ST6GALNAC3: variants seen among roughly 807,000 people sequenced by gnomAD.
ST6GALNAC3 encodes the protein ST6 N-acetylgalactosaminide alpha-2,6-sialyltransferase 3.
Under a neutral mutation model 32.7 loss-of-function variants are expected in ST6GALNAC3, and 25 were observed. The ratio of observed to expected loss-of-function variants is 0.76; its 90% CI spans 0.56 to 1.07. The LOEUF is 1.07. ST6GALNAC3 is among the 50% of genes least tolerant of loss of function. The pLI is 0.00. For synonymous variants in ST6GALNAC3, 129 were observed against 133.1 expected (o/e 0.97, Z 0.21); for missense variants, 355 against 382.4 (o/e 0.93, Z 0.60).
At chr1:76,329,881 T>G (rs1471173590) in intron 2 of ST6GALNAC3, among the ~76,000 whole-genome samples, 1 of 152,176 alleles carries the variant, frequency 6.6e-6, no homozygotes, top group Non-Finnish European at 1.5e-5. Flanking sequence ...CAATCTCTGC[T>G]CACTGCAACC....
At chr1:76,471,823 A>T (rs980358294) in intron 3 of ST6GALNAC3, among the ~76,000 whole-genome samples, 7 of 150,964 alleles carry the variant, frequency 4.6e-5, no homozygotes, top group Non-Finnish European at 1.0e-4. Context: ...TTTTTACAAG[A>T]ATGTCTAAGT....
At chr1:76,274,389 C>T (rs72675958) in intron 1 of ST6GALNAC3, among the ~76,000 whole-genome samples, 42,791 of 152,048 alleles carry the variant, frequency 0.28, 7,655 homozygotes, top group Non-Finnish European at 0.39. Flanking sequence ...TGGCTTATAG[C>T]AAGCATGGGC....
chr1:76,481,378 A>ACTCTAAACC (rs1006110977), intron 3 of ST6GALNAC3, among the ~76,000 whole-genome samples: 4 of 152,206 alleles, frequency 2.6e-5, no homozygotes, highest in African/African-American at 9.6e-5. Flanking sequence ...GATTTGCTAA[A>ACTCTAAACC]TGAATGGTTT....
intron 1 of ST6GALNAC3, among the ~76,000 whole-genome samples, chr1:76,249,491 A>T (rs1004920431): frequency 3.3e-5 from 5 of 152,138 alleles, no homozygotes; most frequent in Admixed American, 6.5e-5. Flanking sequence ...TGCCACATAT[A>T]TTCCATTCTA....
At chr1:76,097,606 A>G (rs1355863923) in intron 1 of ST6GALNAC3, among the ~76,000 whole-genome samples, 1 of 152,206 alleles carries the variant, frequency 6.6e-6, no homozygotes, top group Non-Finnish European at 1.5e-5. Flanking sequence ...AGTGCATGAG[A>G]ACAGACTAAT....
chr1:76,551,482 TC>T (rs1414098570), intron 3 of ST6GALNAC3, among the ~76,000 whole-genome samples: 1 of 152,364 alleles, frequency 6.6e-6, no homozygotes, highest in South Asian at 2.1e-4. Flanking sequence ...AAGATTTTTT[TC>T]ATCTTATTAA....
intron 1 of ST6GALNAC3, among the ~76,000 whole-genome samples, chr1:76,186,929 A>G (rs1653592015): frequency 1.3e-5 from 2 of 152,176 alleles, no homozygotes; most frequent in South Asian, 4.1e-4. Context: ...CTAAACAATG[A>G]TTCCTGAGGC....
chr1:76,415,353 A>G (rs576280881), intron 3 of ST6GALNAC3, among the ~76,000 whole-genome samples: 7 of 151,840 alleles, frequency 4.6e-5, no homozygotes, highest in African/African-American at 1.7e-4. Flanking sequence ...ATTAGCTGAT[A>G]TATTTTATTA....
intron 1 of ST6GALNAC3, among the ~76,000 whole-genome samples, chr1:76,255,116 G>T (rs1181244239): frequency 6.6e-6 from 1 of 150,996 alleles, no homozygotes; most frequent in Admixed American, 6.6e-5. Context: ...GGTTTGGTCT[G>T]GTCTGTTAGA....
intron 1 of ST6GALNAC3, among the ~76,000 whole-genome samples, chr1:76,311,887 A>G (rs533460361): frequency 6.6e-6 from 1 of 151,798 alleles, no homozygotes; most frequent in African/African-American, 2.4e-5. Context: ...ACTAATTTAC[A>G]CTCCCACCAA....
intron 1 of ST6GALNAC3, among the ~76,000 whole-genome samples, chr1:76,295,171 G>A (rs1010125983): frequency 1.3e-5 from 2 of 151,766 alleles, no homozygotes; most frequent in Non-Finnish European, 1.5e-5. Context: ...TTCCCACCAG[G>A]GAGCCTGAGC....
Position 76,412,329 on chromosome 1 carries a change from A to G in ST6GALNAC3, c.535A>G (p.Ile179Val), listed in dbSNP as rs142883428. Residue 179 changes from isoleucine (I) to valine (V), a missense_variant, in exon 3 of 5, where the codon ATC becomes GTC. Transcript: ENST00000328299. ...VYNMLKKTVG[I>V]YPNAQIYVTT... ...CAACATGTTGAAAAAGACAGTTGGT[A>G]TCTATCCGAATGCCCAAATATACGT... 4,518 of 1,613,662 alleles carry G rather than the reference A, an allele frequency of 2.8e-3. 11 individuals are homozygous for G. The highest frequency in any genetic ancestry group is 3.1e-3 in the Non-Finnish European group (3,706 of 1,179,788).
Position 76,150,140 on chromosome 1 carries a change from C to T in ST6GALNAC3, c.18+75256C>T, listed in dbSNP as rs548132694. ...AACCTAGACTGTCTCTAATATCTTA[C>T]AGCACTGCAGATCCTACCCCTGCCT... On this transcript the variant is annotated intron_variant, in intron 1 of 4. Transcript: ENST00000328299. 2.0e-5 allele frequency among the ~76,000 whole-genome samples: 3 copies of T among 152,306 alleles called. No individual in the cohort carries two copies. In the South Asian group the frequency reaches 6.2e-4, roughly 32 times the overall value.
intron 3 of ST6GALNAC3, 109 bp downstream of exon 3, chr1:76,412,526 T>A (rs1654332624): frequency 8.4e-7 from 1 of 1,187,478 alleles, no homozygotes; most frequent in African/African-American, 1.5e-5. Context: ...TTACGCTGAT[T>A]GTTATATGTT....
At chr1:76,559,204 T>C (rs960083170) in intron 3 of ST6GALNAC3, among the ~76,000 whole-genome samples, 3 of 152,156 alleles carry the variant, frequency 2.0e-5, no homozygotes, top group Non-Finnish European at 4.4e-5. Flanking sequence ...TAGAAACCAC[T>C]ACCATAGATG....
intron 3 of ST6GALNAC3, among the ~76,000 whole-genome samples, chr1:76,503,870 C>A (rs1299603937): frequency 6.6e-6 from 1 of 152,218 alleles, no homozygotes; most frequent in East Asian, 1.9e-4. Context: ...TCCTCTATGG[C>A]ATCCTCACAG....
At chr1:76,323,419 C>T (rs756174039) in intron 2 of ST6GALNAC3, among the ~76,000 whole-genome samples, 1 of 152,080 alleles carries the variant, frequency 6.6e-6, no homozygotes, top group Non-Finnish European at 1.5e-5. Flanking sequence ...TTTCAAGGCC[C>T]CCAAAGTATT....
At chr1:76,300,013 C>T (rs1257472233) in intron 1 of ST6GALNAC3, among the ~76,000 whole-genome samples, 1 of 151,984 alleles carries the variant, frequency 6.6e-6, no homozygotes, top group Non-Finnish European at 1.5e-5. Context: ...GATGTTTGAC[C>T]ATGTGCGCTA....
chr1:76,636,765 G>T (rs536742514), downstream of ST6GALNAC3: 1 of 151,912 alleles, frequency 6.6e-6, no homozygotes, highest in African/African-American at 2.4e-5. Context: ...TTGCTATCTT[G>T]GAGAAAGTAC....
Sources: allele counts gnomAD v4.1 joint callset (sites outside exome capture counted in the v4.1 genomes callset), GRCh38; gene constraint gnomAD v4.1.1; transcripts MANE v1.5; gene names NCBI Gene and HGNC (gene_info 2026-07-23, HGNC 2026-07-21).